RBFOX1: variants seen among roughly 807,000 people sequenced by gnomAD.
RBFOX1 encodes RNA binding fox-1 homolog 1, also known as RNA binding protein fox-1 homolog 1.
In RBFOX1, 8 loss-of-function variants were observed where a neutral mutation model predicts 57.7. The observed-to-expected ratio is 0.14, with a 90% CI of 0.08 to 0.25. The LOEUF is 0.25. Ranked by LOEUF, RBFOX1 falls within the 10% of genes least tolerant of loss-of-function variation. RBFOX1 has a pLI of 1.00. For synonymous variants in RBFOX1, 326 were observed against 222.4 expected, an observed-to-expected ratio of 1.47 and a Z score of -4.15; for missense variants, 611 against 548.5, an observed-to-expected ratio of 1.11 and a Z score of -1.14.
chr16:5,419,877 GT>G (rs2151482203), intron 1 of RBFOX1, among the ~76,000 whole-genome samples: 1 of 152,202 alleles, frequency 6.6e-6, no homozygotes, highest in South Asian at 2.1e-4. Flanking sequence ...GGGACCCTGG[GT>G]GATAGCACCA....
intron 1 of RBFOX1, among the ~76,000 whole-genome samples, chr16:5,261,804 C>G (rs990154089): frequency 6.6e-6 from 1 of 152,090 alleles, no homozygotes; most frequent in Non-Finnish European, 1.5e-5. Flanking sequence ...CTGGCCTGGG[C>G]CTCCCAAAAT....
At chr16:6,756,593 A>G (rs1190962297) in intron 3 of RBFOX1, among the ~76,000 whole-genome samples, 2 of 152,196 alleles carry the variant, frequency 1.3e-5, no homozygotes, top group African/African-American at 2.4e-5. Context: ...ATATATGACA[A>G]GGAACACAGT....
intron 1 of RBFOX1, among the ~76,000 whole-genome samples, chr16:6,190,633 A>G (rs950700072): frequency 1.3e-5 from 2 of 152,176 alleles, no homozygotes; most frequent in Non-Finnish European, 2.9e-5. Context: ...TTATTTGCCT[A>G]ACATTTTGCT....
intron 4 of RBFOX1, among the ~76,000 whole-genome samples, chr16:7,171,461 A>G (rs1386270511): frequency 6.6e-6 from 1 of 152,170 alleles, no homozygotes; most frequent in Non-Finnish European, 1.5e-5. Flanking sequence ...TGTGCTTTTG[A>G]ACTAGATTGC....
chr16:5,950,660 C>T (rs1460240050), intron 4 of RBFOX1, among the ~76,000 whole-genome samples: 4 of 152,220 alleles, frequency 2.6e-5, no homozygotes, highest in Non-Finnish European at 4.4e-5. Context: ...TTTGCACTTA[C>T]CTGGCCAAGC....
At chr16:5,722,662 G>A (rs186345751) in intron 3 of RBFOX1, among the ~76,000 whole-genome samples, 22 of 152,238 alleles carry the variant, frequency 1.4e-4, no homozygotes, top group African/African-American at 5.3e-4. Flanking sequence ...AGACATAGGT[G>A]GTTTCACCTT....
intron 6 of RBFOX1, among the ~76,000 whole-genome samples, chr16:7,581,193 G>A (rs2093731220): frequency 6.6e-6 from 1 of 152,148 alleles, no homozygotes; most frequent in African/African-American, 2.4e-5. Flanking sequence ...AGAGGAAAAG[G>A]TCAGCTCTTG....
At chr16:5,254,305 G>A (rs2062529054) in intron 1 of RBFOX1, among the ~76,000 whole-genome samples, 1 of 152,164 alleles carries the variant, frequency 6.6e-6, no homozygotes, top group African/African-American at 2.4e-5. Flanking sequence ...CCAACAGCAG[G>A]AGTGAGAGAC....
At chr16:7,381,957 C>A (rs575673850) in intron 4 of RBFOX1, among the ~76,000 whole-genome samples, 1 of 152,174 alleles carries the variant, frequency 6.6e-6, no homozygotes, top group African/African-American at 2.4e-5. Context: ...TCACTGTCCC[C>A]TGGGGGATGA....
At chr16:6,881,361 C>T (rs1314198043) in intron 3 of RBFOX1, among the ~76,000 whole-genome samples, 1 of 152,134 alleles carries the variant, frequency 6.6e-6, no homozygotes. Flanking sequence ...GCTAAAACAA[C>T]AAACAGTTAC....
intron 4 of RBFOX1, among the ~76,000 whole-genome samples, chr16:7,084,050 C>G (rs959621907): frequency 6.6e-6 from 1 of 152,092 alleles, no homozygotes; most frequent in Non-Finnish European, 1.5e-5. Flanking sequence ...GGTCATTTAC[C>G]CTAATCCCAC....
chr16:6,691,434 C>G (rs1040390924), intron 3 of RBFOX1, among the ~76,000 whole-genome samples: 1 of 151,814 alleles, frequency 6.6e-6, no homozygotes, highest in East Asian at 1.9e-4. Flanking sequence ...ATTCTCCTTC[C>G]TCAGTACCTT....
intron 1 of RBFOX1, among the ~76,000 whole-genome samples, chr16:6,118,632 C>T (rs2096524069): frequency 6.6e-6 from 1 of 151,486 alleles, no homozygotes; most frequent in African/African-American, 2.4e-5. Context: ...CCCTCCCTCT[C>T]TCCCTCTCTT....
At chr16:6,894,685 G>A (rs141898884) in intron 3 of RBFOX1, among the ~76,000 whole-genome samples, 1,885 of 152,166 alleles carry the variant, frequency 0.012, 22 homozygotes, top group Non-Finnish European at 0.02. Context: ...TGATAGCCTC[G>A]ACCTCACTAA....
At chr16:7,034,852 T>TC (rs1434986348) in intron 3 of RBFOX1, among the ~76,000 whole-genome samples, 5 of 82,334 alleles carry the variant, frequency 6.1e-5, no homozygotes, top group Non-Finnish European at 9.5e-5. Flanking sequence ...TTTTTTCTTT[T>TC]TTTTTTTTTT....
At chr16:7,031,673 G>C (rs1015972845) in intron 3 of RBFOX1, among the ~76,000 whole-genome samples, 2 of 152,044 alleles carry the variant, frequency 1.3e-5, no homozygotes, top group Non-Finnish European at 2.9e-5. Flanking sequence ...AATTTTGATG[G>C]GATTGGCGAG....
chr16:6,665,263 C>G (rs944578933), intron 3 of RBFOX1, among the ~76,000 whole-genome samples: 2 of 152,004 alleles, frequency 1.3e-5, no homozygotes, highest in African/African-American at 4.8e-5. Context: ...GTTTGTCTTC[C>G]CTCAGCCACC....
At chr16:5,857,173 G>T (rs1056731232) in intron 3 of RBFOX1, among the ~76,000 whole-genome samples, 2 of 152,234 alleles carry the variant, frequency 1.3e-5, no homozygotes, top group Middle Eastern at 3.4e-3. Context: ...GGAGACCTGA[G>T]GAGAGAGGGA....
chr16:7,621,278 T>C (rs1365322224), intron 10 of RBFOX1, among the ~76,000 whole-genome samples: 1 of 152,204 alleles, frequency 6.6e-6, no homozygotes, highest in Non-Finnish European at 1.5e-5. Context: ...TTTTTTTTCT[T>C]TTTTGAGATG....
Sources: allele counts gnomAD v4.1 joint callset (sites outside exome capture counted in the v4.1 genomes callset), GRCh38; gene constraint gnomAD v4.1.1; transcripts MANE v1.5; gene names NCBI Gene and HGNC (gene_info 2026-07-23, HGNC 2026-07-21).